The following CNTNAP2 variants were observed in gnomAD, a reference collection of about 807,000 sequenced individuals.
The protein encoded by CNTNAP2 is contactin-associated protein-like 2.
CNTNAP2 carries 98 observed loss-of-function variants against 155.2 expected under a neutral mutation model. That is an observed-to-expected ratio of 0.63 (90% CI 0.54 to 0.75). The LOEUF (loss-of-function observed/expected upper bound fraction) is 0.75, where lower values mean the gene tolerates loss of function less well. Among genes scored for constraint, CNTNAP2 ranks in the 30% least tolerant of loss-of-function variants. The probability of loss-of-function intolerance (pLI) is 0.00; values close to 1 mark genes in which losing one functional copy is unlikely to be tolerated. For synonymous variants in CNTNAP2, 651 were observed against 631.2 expected (o/e 1.03, Z -0.47); for missense variants, 1,727 against 1,688.1 (o/e 1.02, Z -0.40).
At chr7:147,011,228 A>T (rs960548284) in intron 3 of CNTNAP2, among the ~76,000 whole-genome samples, 2 of 151,900 alleles carry the variant, frequency 1.3e-5, no homozygotes, top group African/African-American at 2.4e-5. Context: ...ATTTTGGACA[A>T]CATCATGAAA....
At chr7:147,589,737 G>A (rs932571716) in intron 12 of CNTNAP2, among the ~76,000 whole-genome samples, 16 of 152,096 alleles carry the variant, frequency 1.1e-4, no homozygotes, top group Non-Finnish European at 2.1e-4. Flanking sequence ...TGTGAACAGT[G>A]CTGCTATGAA....
At chr7:147,762,467 C>T (rs1293056799) in intron 13 of CNTNAP2, among the ~76,000 whole-genome samples, 2 of 151,624 alleles carry the variant, frequency 1.3e-5, no homozygotes, top group Admixed American at 6.6e-5. Context: ...TGAGCTGCTG[C>T]GGAGGCAATT....
chr7:148,398,453 A>T (rs1799514944), intron 22 of CNTNAP2, among the ~76,000 whole-genome samples: 2 of 152,226 alleles, frequency 1.3e-5, no homozygotes, highest in South Asian at 4.1e-4. Flanking sequence ...AAAATATTTA[A>T]TTATTCACTG....
intron 15 of CNTNAP2, among the ~76,000 whole-genome samples, chr7:148,103,636 T>C (rs921510435): frequency 8.8e-6 from 1 of 113,718 alleles, no homozygotes; most frequent in Non-Finnish European, 1.6e-5. Context: ...CTCCAATGCT[T>C]CACACTAAAA....
At chr7:148,330,481 C>A (rs889804419) in intron 21 of CNTNAP2, among the ~76,000 whole-genome samples, 1 of 107,204 alleles carries the variant, frequency 9.3e-6, no homozygotes. Context: ...ATGAAGTGGA[C>A]GGATGGAGTG....
chr7:147,014,561 T>G (rs985655203), intron 3 of CNTNAP2, among the ~76,000 whole-genome samples: 4 of 152,152 alleles, frequency 2.6e-5, no homozygotes, highest in Non-Finnish European at 5.9e-5. Flanking sequence ...TAAGATCCAA[T>G]AATCCAAATA....
Position 148,371,271 on chromosome 7 carries a change from C to T in CNTNAP2, c.3476-12378C>T, listed in dbSNP as rs951694207. Reference sequence around the variant, plus strand: ...AACAAAGGAGGGGGAGAGGAGGCTACGTGCAGTTACCAGGTGTGTCCTATA... The same window carrying T: ...AACAAAGGAGGGGGAGAGGAGGCTATGTGCAGTTACCAGGTGTGTCCTATA... On this transcript the variant is annotated intron_variant, in intron 21 of 23. Coordinates refer to ENST00000361727, the MANE Select transcript of CNTNAP2 (RefSeq NM_014141.6). Among the ~76,000 whole-genome samples, 5 of 152,240 alleles carry T rather than the reference C, an allele frequency of 3.3e-5. No individual in the cohort carries two copies. In the East Asian group the frequency reaches 7.7e-4, roughly 24 times the overall value.
At chr7:146,148,038 C>G (rs1027881161) in intron 1 of CNTNAP2, among the ~76,000 whole-genome samples, 1 of 152,020 alleles carries the variant, frequency 6.6e-6, no homozygotes, top group African/African-American at 2.4e-5. Flanking sequence ...TGTGCTTTAT[C>G]AGGAAATGGC....
chr7:147,409,233 G>GAT (rs1225093384), intron 10 of CNTNAP2, among the ~76,000 whole-genome samples: 1 of 152,068 alleles, frequency 6.6e-6, no homozygotes, highest in Non-Finnish European at 1.5e-5. Context: ...GCAGAATTGA[G>GAT]ATAGAAGTGC....
intron 14 of CNTNAP2, among the ~76,000 whole-genome samples, chr7:147,947,334 C>G (rs973569523): frequency 1.3e-5 from 2 of 150,992 alleles, no homozygotes; most frequent in Non-Finnish European, 2.9e-5. Flanking sequence ...AAGGAAATTC[C>G]GGTTCTGGTA....
intron 12 of CNTNAP2, among the ~76,000 whole-genome samples, chr7:147,567,701 T>C (rs1800200147): frequency 6.6e-6 from 1 of 152,166 alleles, no homozygotes; most frequent in Admixed American, 6.5e-5. Context: ...TAAGATTCTA[T>C]GTTGCTTTGG....
At chr7:148,059,079 G>A (rs186981417) in intron 15 of CNTNAP2, among the ~76,000 whole-genome samples, 1 of 151,892 alleles carries the variant, frequency 6.6e-6, no homozygotes, top group South Asian at 2.1e-4. Context: ...TCAGGAATTC[G>A]AGACCAACCT....
chr7:146,275,334 G>C (rs945444781), intron 1 of CNTNAP2, among the ~76,000 whole-genome samples: 1 of 152,092 alleles, frequency 6.6e-6, no homozygotes, highest in African/African-American at 2.4e-5. Context: ...TAGTGACCAT[G>C]AATAGAGGAA....
intron 8 of CNTNAP2, among the ~76,000 whole-genome samples, chr7:147,172,725 T>C (rs988760054): frequency 2.0e-5 from 3 of 152,142 alleles, no homozygotes; most frequent in Non-Finnish European, 4.4e-5. Flanking sequence ...TTAGAAAGAT[T>C]TCTTGGAGCT....
At chr7:146,621,652 A>AT (rs1297896154) in intron 1 of CNTNAP2, among the ~76,000 whole-genome samples, 4 of 152,142 alleles carry the variant, frequency 2.6e-5, no homozygotes, top group African/African-American at 9.7e-5. Flanking sequence ...TTCTCACCAC[A>AT]TTCTATCTAG....
intron 8 of CNTNAP2, among the ~76,000 whole-genome samples, chr7:147,185,740 C>A (rs531178744): frequency 1.3e-5 from 2 of 152,212 alleles, no homozygotes; most frequent in South Asian, 4.2e-4. Flanking sequence ...GTGTCCCCAC[C>A]CAAATCTCAT....
intron 14 of CNTNAP2, among the ~76,000 whole-genome samples, chr7:147,930,275 G>A (rs1378327234): frequency 6.6e-6 from 1 of 152,132 alleles, no homozygotes; most frequent in African/African-American, 2.4e-5. Flanking sequence ...AAAAGACAGA[G>A]TGACTGAATG....
In CNTNAP2 at chr7:147,823,720, T is replaced by TA. The variant is rs35815165; in HGVS notation, c.2099-79831dup. Among the ~76,000 whole-genome samples the TA allele has an allele frequency of 4.5e-3, 664 of 147,736 alleles. 2 individuals carry two copies. The highest frequency in any genetic ancestry group is 6.3e-3 in the Non-Finnish European group (419 of 66,800). On this transcript the variant is annotated intron_variant, in intron 13 of 23. Transcript: ENST00000361727. ...TACCAATTACTTGCAAGCAAGGGCT[T>TA]AAAAAAAAAAAAAATTACTGAAGCT...
At chr7:146,529,643 G>A (rs1424145226) in intron 1 of CNTNAP2, among the ~76,000 whole-genome samples, 1 of 152,026 alleles carries the variant, frequency 6.6e-6, no homozygotes, top group East Asian at 1.9e-4. Context: ...ACATGGGCAG[G>A]AAAGCAGGCA....
Sources: allele counts gnomAD v4.1 joint callset (sites outside exome capture counted in the v4.1 genomes callset), GRCh38; gene constraint gnomAD v4.1.1; transcripts MANE v1.5; gene names NCBI Gene and HGNC (gene_info 2026-07-23, HGNC 2026-07-21).